The following PIK3CG variants were observed in gnomAD, a reference collection of about 807,000 sequenced individuals.
PIK3CG encodes the protein phosphatidylinositol 4,5-bisphosphate 3-kinase catalytic subunit gamma isoform.
PIK3CG carries 55 observed loss-of-function variants against 102.3 expected under a neutral mutation model. That is an observed-to-expected ratio of 0.54 (90% CI 0.43 to 0.67). The LOEUF is 0.67. Ranked by LOEUF, PIK3CG falls within the 30% of genes least tolerant of loss-of-function variation. PIK3CG has a pLI of 0.00. For missense variants in PIK3CG, 1,258 were observed against 1,391.8 expected (o/e 0.90, Z 1.53); for synonymous variants, 552 against 540.0 (o/e 1.02, Z -0.31).
Position 106,879,420 on chromosome 7 carries a change from C to A in PIK3CG, c.2392-99C>A. 1 of 976,612 alleles carries A rather than the reference C, an allele frequency of 1.0e-6. No individual in the cohort carries two copies. The highest frequency in any genetic ancestry group is 1.4e-5 in the South Asian group (1 of 72,234). 60.5% of individuals were successfully genotyped at this position (976,612 alleles called of 1,614,324 possible). ...ATCATTCTCCAACTAGGACTTTGTC[C>A]TTGTTGTTTATAGTGATGTTTTGCA... On this transcript the variant is annotated intron_variant, in intron 5 of 10. Coordinates refer to ENST00000496166, the MANE Select transcript of PIK3CG (RefSeq NM_001282426.2). This position sits in a 1 kb window ranked among gnomAD's most constrained non-coding sequence, Gnocchi z 4.9.
At position 106,906,158 on chromosome 7, in the gene PIK3CG, A is replaced by T. The variant is rs1251557244; in HGVS notation, c.*771A>T. The T allele has an allele frequency of 1.3e-5, 3 of 228,252 alleles. No individual in the cohort carries two copies. The highest frequency in any genetic ancestry group is 2.6e-5 in the Non-Finnish European group (3 of 115,692). 14.1% of individuals were successfully genotyped at this position (228,252 alleles called of 1,614,324 possible). On this transcript the variant is annotated 3_prime_UTR_variant, in exon 11 of 11. Transcript: ENST00000496166. ...AGGAAGTAACTACAGGGCCTCTTTT[A>T]TGCCTGACATTTCTTCCCTTCCTTT...
rs1005824079 is a variant in PIK3CG at position 106,879,883 on chromosome 7, C to G, written c.2538+218C>G. On this transcript the variant is annotated intron_variant, in intron 6 of 10. Coordinates refer to ENST00000496166, the MANE Select transcript of PIK3CG (RefSeq NM_001282426.2). The surrounding 1 kb of genome is among the most constrained non-coding windows in gnomAD (Gnocchi z 4.9). ...TTATGGTTCTGTCCAAGTTGCATAT[C>G]TAACACTCCCAAGTAGCCAGATATA... Among the ~76,000 whole-genome samples, 1 of 152,144 alleles carries G rather than the reference C, an allele frequency of 6.6e-6. No individual in the cohort carries two copies. The highest frequency in any genetic ancestry group is 2.4e-5 in the African/African-American group (1 of 41,442).
rs1056922494 is a variant in PIK3CG at position 106,890,867 on chromosome 7, C to T, written c.3030+4575C>T. ...TGTGGCCTTCCTCCACATCTTCCCC[C>T]ATCCCAGCTACCCACTGCTTTCTTC... is the stretch of plus-strand genomic sequence containing the variant. On this transcript the variant is annotated intron_variant, in intron 10 of 10. Coordinates refer to ENST00000496166, the MANE Select transcript of PIK3CG (RefSeq NM_001282426.2). The surrounding 1 kb of genome is among the most constrained non-coding windows in gnomAD (Gnocchi z 4.2). Among the ~76,000 whole-genome samples, 6 of 152,242 alleles carry T rather than the reference C, an allele frequency of 3.9e-5. No individual in the cohort carries two copies. The highest frequency in any genetic ancestry group is 1.4e-4 in the African/African-American group (6 of 41,466).
Position 106,888,088 on chromosome 7 carries a change from G to A in PIK3CG, c.3030+1796G>A, listed in dbSNP as rs541226702. Among the ~76,000 whole-genome samples the A allele has an allele frequency of 1.6e-3, 249 of 151,600 alleles. 2 individuals carry two copies. The highest frequency in any genetic ancestry group is 5.6e-3 in the African/African-American group (230 of 41,306). ...CCAGAGTAGCTGGGACTACACGTCCGTGCCACCATGCCTGGCTAATTTTTG... is the reference window on the plus strand; with the variant it reads ...CCAGAGTAGCTGGGACTACACGTCCATGCCACCATGCCTGGCTAATTTTTG... On this transcript the variant is annotated intron_variant, in intron 10 of 10. Transcript: ENST00000496166.
chr7:106,905,872 CA>C lies in PIK3CG; in HGVS notation c.*486del, dbSNP rs1187973293. On this transcript the variant is annotated 3_prime_UTR_variant, in exon 11 of 11. Coordinates refer to ENST00000496166, the MANE Select transcript of PIK3CG (RefSeq NM_001282426.2). The surrounding 1 kb of genome is among the most constrained non-coding windows in gnomAD (Gnocchi z 5.6). ...CTTCCAAACATCTCCTTAGTGTCTG[CA>C]GGTGTTAGTGGTGTGCTAAAAGCAA... 1 of 238,926 alleles carries C rather than the reference CA, an allele frequency of 4.2e-6. No homozygotes were observed. Among genetic ancestry groups the C allele is most frequent in the African/African-American group, 2.2e-5 (1 of 45,376 alleles). 14.8% of individuals were successfully genotyped at this position (238,926 alleles called of 1,614,324 possible).
rs1406191968 is a variant in PIK3CG at position 106,879,809 on chromosome 7, C to T, written c.2538+144C>T. 5.9e-6 allele frequency: 4 copies of T among 680,376 alleles called. No individual in the cohort carries two copies. The African/African-American group carries it at 7.2e-5, about 12-fold the overall frequency. The allele number at this position is 680,376 out of a possible 1,614,324, so 42.1% of individuals were successfully genotyped here. On this transcript the variant is annotated intron_variant, in intron 6 of 10. Transcript: ENST00000496166. This position sits in a 1 kb window ranked among gnomAD's most constrained non-coding sequence, Gnocchi z 4.9. ...CAAATATTACATCATAGAGAGTTTT[C>T]ACTTGGGGAATTTGGCTGCAGACTA... is the stretch of plus-strand genomic sequence containing the variant.
At chr7:106,870,132 C>T (rs1246794394) in intron 2 of PIK3CG, among the ~76,000 whole-genome samples, 2 of 152,180 alleles carry the variant, frequency 1.3e-5, no homozygotes, top group Non-Finnish European at 2.9e-5. Context: ...AGTCTGGTGT[C>T]AGGATTCTGG....
intron 10 of PIK3CG, among the ~76,000 whole-genome samples, chr7:106,889,345 G>T (rs1207719053): frequency 6.7e-6 from 1 of 148,586 alleles, no homozygotes; most frequent in Admixed American, 7.2e-5. Flanking sequence ...TGACCTTGTG[G>T]TAATTTTTTT....
rs1486126163 is a variant in PIK3CG at position 106,903,712 on chromosome 7, A to G, written c.3031-1397A>G. ...TTAAAGACAATTAGGTCATTTGTAA[A>G]TAATAAGTTTTCCTTCACTTTTCTG... On this transcript the variant is annotated intron_variant, in intron 10 of 10. Coordinates refer to ENST00000496166, the MANE Select transcript of PIK3CG (RefSeq NM_001282426.2). The surrounding 1 kb of genome is among the most constrained non-coding windows in gnomAD (Gnocchi z 4.3). 5.3e-5 allele frequency among the ~76,000 whole-genome samples: 8 copies of G among 151,558 alleles called. No individual in the cohort carries two copies. The highest frequency in any genetic ancestry group is 1.2e-4 in the Non-Finnish European group (8 of 67,910).
In PIK3CG at chr7:106,868,955, AC is replaced by A; in HGVS notation, c.1396del (p.Leu466CysfsTer3). 1.9e-6 allele frequency: 3 copies of A among 1,614,056 alleles called. No individual in the cohort carries two copies. The highest frequency in any genetic ancestry group is 2.5e-6 in the Non-Finnish European group (3 of 1,180,002). ...KGKVQLLYYV[N>X]LLLIDHRFLL... Reference sequence around the variant, plus strand: ...AAAGTTCAGCTTCTCTATTATGTGAACCTGCTGCTGATAGACCACCGTTTCC... The same window carrying A: ...AAAGTTCAGCTTCTCTATTATGTGAACTGCTGCTGATAGACCACCGTTTCC... On this transcript the variant is annotated frameshift_variant, in exon 2 of 11. Transcript: ENST00000496166. LOFTEE classifies it high-confidence loss of function. The surrounding 1 kb of genome is among the most constrained non-coding windows in gnomAD (Gnocchi z 6.2).
rs777580506 is a variant in PIK3CG, at chr7:106,884,142, G to T, written c.2761-13G>T. Reference sequence around the variant, plus strand: ...GTTAGAAGACAACTAATATTCAAATGCATTTTAATTAGTTTCAGGCAGCAG... The same window carrying T: ...GTTAGAAGACAACTAATATTCAAATTCATTTTAATTAGTTTCAGGCAGCAG... On this transcript the variant is annotated splice_polypyrimidine_tract_variant and intron_variant, in intron 8 of 10. Coordinates refer to ENST00000496166, the MANE Select transcript of PIK3CG (RefSeq NM_001282426.2). The surrounding 1 kb of genome is among the most constrained non-coding windows in gnomAD (Gnocchi z 4.2). The T allele has an allele frequency of 6.5e-7, 1 of 1,549,452 alleles. No homozygotes were observed.
Position 106,869,331 on chromosome 7 carries a change from T to C in PIK3CG, c.1770T>C (p.Pro590=), listed in dbSNP as rs751050242. 1 of 1,614,264 alleles carries C rather than the reference T, an allele frequency of 6.2e-7. No individual in the cohort carries two copies. Among genetic ancestry groups the C allele is most frequent in the South Asian group, 1.1e-5 (1 of 91,088 alleles). ...GCCTTAAGCACCCAAAAGCATATCC[T>C]AAGCTATTTAGTTCAGTGAAATGGG... ...YESLKHPKAY[P]KLFSSVKWGQ... is the part of the protein sequence containing the mutation. Residue 590 remains proline, a synonymous_variant, in exon 2 of 11, where the codon CCT becomes CCC. Transcript: ENST00000496166. This position sits in a 1 kb window ranked among gnomAD's most constrained non-coding sequence, Gnocchi z 5.3.
chr7:106,867,553 G>T lies in PIK3CG; in HGVS notation c.-9G>T, dbSNP rs535788756. 6.5e-7 allele frequency: 1 copy of T among 1,536,974 alleles called. No individual in the cohort carries two copies. Among genetic ancestry groups the T allele is most frequent in the Non-Finnish European group, 8.7e-7 (1 of 1,143,602 alleles). ...CCCTGTGTCCCTCCGCTCCCAGGTC[G>T]CATAGGGCATGGAGCTGGAGAACTA... On this transcript the variant is annotated 5_prime_UTR_variant, in exon 2 of 11. Transcript: ENST00000496166. This position sits in a 1 kb window ranked among gnomAD's most constrained non-coding sequence, Gnocchi z 5.1.
Position 106,883,164 on chromosome 7 carries a change from G to A in PIK3CG, c.2760+1G>A, listed in dbSNP as rs1293996108. 1 of 1,613,952 alleles carries A rather than the reference G, an allele frequency of 6.2e-7. No individual in the cohort carries two copies. The highest frequency in any genetic ancestry group is 8.5e-7 in the Non-Finnish European group (1 of 1,179,948). On this transcript the variant is annotated splice_donor_variant, in intron 8 of 10. Transcript: ENST00000496166. LOFTEE classifies it high-confidence loss of function. The surrounding 1 kb of genome is among the most constrained non-coding windows in gnomAD (Gnocchi z 5.8). ...AGAAAAATCCCCTACTGAAGAAAAGGTGAGCTCATGCTTTTTCCCAGTCTA... is the reference window on the plus strand; with the variant it reads ...AGAAAAATCCCCTACTGAAGAAAAGATGAGCTCATGCTTTTTCCCAGTCTA...
chr7:106,896,513 A>G (rs973753737), intron 10 of PIK3CG, among the ~76,000 whole-genome samples: 3 of 152,340 alleles, frequency 2.0e-5, no homozygotes, highest in Middle Eastern at 3.4e-3. Flanking sequence ...TAGCCTGTAT[A>G]ATTACTAAGA....
intron 6 of PIK3CG, among the ~76,000 whole-genome samples, chr7:106,881,161 A>G (rs754569265): frequency 1.3e-4 from 20 of 152,108 alleles, no homozygotes; most frequent in Non-Finnish European, 1.8e-4. Context: ...ACAATTGCCA[A>G]AATTGCTGGG....
chr7:106,894,948 C>CT lies in PIK3CG; in HGVS notation c.3030+8658dup, dbSNP rs1392773063. On this transcript the variant is annotated intron_variant, in intron 10 of 10. Transcript: ENST00000496166. This position sits in a 1 kb window ranked among gnomAD's most constrained non-coding sequence, Gnocchi z 4.4. ...ATAATGAATTCCTTTGTTCCCAAGA[C>CT]TTCTAAGGGCAGTAGCTTTGTAAAA... Among the ~76,000 whole-genome samples the CT allele has an allele frequency of 6.6e-6, 1 of 152,198 alleles. No individual in the cohort carries two copies.
rs2116519235 is a variant in PIK3CG, at chr7:106,879,192, A to G, written c.2392-327A>G. Reference sequence around the variant, plus strand: ...AAATATAATAGCCAGGTTGCTGTCTATTAAAGAGGATGTGGGAGTGTCAGA... The same window carrying G: ...AAATATAATAGCCAGGTTGCTGTCTGTTAAAGAGGATGTGGGAGTGTCAGA... On this transcript the variant is annotated intron_variant, in intron 5 of 10. Transcript: ENST00000496166. This position sits in a 1 kb window ranked among gnomAD's most constrained non-coding sequence, Gnocchi z 4.9. Among the ~76,000 whole-genome samples, 1 of 152,282 alleles carries G rather than the reference A, an allele frequency of 6.6e-6. No individual in the cohort carries two copies. The highest frequency in any genetic ancestry group is 1.9e-4 in the East Asian group (1 of 5,188).
chr7:106,870,969 C>T (rs565488523), intron 2 of PIK3CG, among the ~76,000 whole-genome samples: 1 of 152,284 alleles, frequency 6.6e-6, no homozygotes, highest in African/African-American at 2.4e-5. Context: ...CTTGGATGAG[C>T]TCTGTTGCAA....
Sources: allele counts gnomAD v4.1 joint callset (sites outside exome capture counted in the v4.1 genomes callset), GRCh38; gene constraint gnomAD v4.1.1; non-coding constraint Gnocchi (gnomAD v3.1); transcripts MANE v1.5; gene names NCBI Gene and HGNC (gene_info 2026-07-23, HGNC 2026-07-21).